The following DNAJC6 variants were observed in gnomAD, a reference collection of about 807,000 sequenced individuals.
The protein encoded by DNAJC6 is DnaJ heat shock protein family (Hsp40) member C6, also known as auxilin.
In DNAJC6, 34 loss-of-function variants were observed where a neutral mutation model predicts 110.0. The ratio of observed to expected loss-of-function variants is 0.31; its 90% CI spans 0.24 to 0.41. The LOEUF (loss-of-function observed/expected upper bound fraction) is 0.41, where lower values mean the gene tolerates loss of function less well. DNAJC6 is among the 10% of genes least tolerant of loss of function. The pLI, the probability that DNAJC6 is intolerant of heterozygous loss-of-function variation, is 1.00. For synonymous variants in DNAJC6, 406 were observed against 437.2 expected (o/e 0.93, Z 0.89); for missense variants, 1,031 against 1,207.8 (o/e 0.85, Z 2.17).
intron 1 of DNAJC6, among the ~76,000 whole-genome samples, chr1:65,326,342 A>G (rs1005862238): frequency 2.6e-5 from 4 of 152,232 alleles, no homozygotes; most frequent in Non-Finnish European, 5.9e-5. Context: ...AGGGTGCTCT[A>G]TGAGGGAGTT....
At chr1:65,399,528 T>C (rs973905683) in intron 14 of DNAJC6, among the ~76,000 whole-genome samples, 3 of 152,172 alleles carry the variant, frequency 2.0e-5, no homozygotes, top group Admixed American at 6.6e-5. Flanking sequence ...CCTTTTTTTA[T>C]TGTAGCAACC....
At chr1:65,377,365 G>T (rs558181703) in intron 4 of DNAJC6, among the ~76,000 whole-genome samples, 1 of 152,184 alleles carries the variant, frequency 6.6e-6, no homozygotes, top group African/African-American at 2.4e-5. Context: ...AGTCATTTCC[G>T]TTCCTTGAAA....
chr1:65,330,294 T>C (rs1645275707), intron 1 of DNAJC6, among the ~76,000 whole-genome samples: 1 of 152,200 alleles, frequency 6.6e-6, no homozygotes, highest in Non-Finnish European at 1.5e-5. Context: ...CTGCAAACAA[T>C]GATGAGATGC....
chr1:65,301,332 CACAA>C (rs1031795362), intron 1 of DNAJC6, among the ~76,000 whole-genome samples: 169 of 152,236 alleles, frequency 1.1e-3, no homozygotes, highest in African/African-American at 3.4e-3. Context: ...CTTCCCCCCC[CACAA>C]ACAAACAATC....
intron 1 of DNAJC6, among the ~76,000 whole-genome samples, chr1:65,346,070 T>G (rs2101501068): frequency 6.6e-6 from 1 of 152,260 alleles, no homozygotes; most frequent in East Asian, 1.9e-4. Context: ...TCTCCTAGGA[T>G]TCACCTTCAG....
chr1:65,307,552 G>T (rs553635269), upstream of DNAJC6, among the ~76,000 whole-genome samples: 3 of 151,844 alleles, frequency 2.0e-5, no homozygotes, highest in Non-Finnish European at 4.4e-5. Context: ...TTTGAGACAG[G>T]GTCTCAGTCT....
intron 1 of DNAJC6, among the ~76,000 whole-genome samples, chr1:65,344,579 G>A (rs1645419739): frequency 6.6e-6 from 1 of 152,098 alleles, no homozygotes; most frequent in African/African-American, 2.4e-5. Context: ...TAGGTCTCAG[G>A]AAATTTAATC....
At position 65,414,123 on chromosome 1, in the gene DNAJC6, C is replaced by T. The variant is rs1646151601; in HGVS notation, c.*1098C>T. The T allele has an allele frequency of 6.6e-6, 1 of 152,248 alleles. No individual in the cohort carries two copies. Among genetic ancestry groups the T allele is most frequent in the South Asian group, 2.1e-4 (1 of 4,828 alleles). 9.4% of individuals were successfully genotyped at this position (152,248 alleles called of 1,614,324 possible). The stretch of plus-strand genomic sequence containing the variant: ...TGCTCTGAGGAACCAGGTCCCACCT[C>T]CCCACAAGGCAAATCTAGACCCATT... On this transcript the variant is annotated 3_prime_UTR_variant, in exon 19 of 19. Coordinates refer to ENST00000371069, the MANE Select transcript of DNAJC6 (RefSeq NM_001256864.2).
At position 65,413,672 on chromosome 1, in the gene DNAJC6, G is replaced by T. The variant is rs1646148296; in HGVS notation, c.*647G>T. The T allele has an allele frequency of 6.6e-6, 1 of 152,114 alleles. No individual in the cohort carries two copies. Among genetic ancestry groups the T allele is most frequent in the Non-Finnish European group, 1.5e-5 (1 of 68,002 alleles). The allele number at this position is 152,114 out of a possible 1,614,324, so 9.4% of individuals were successfully genotyped here. A position where few individuals can be genotyped will look rare whatever the true frequency, so the allele number is the denominator to read the frequency against. ...CCAACTTTCTGACTAAGCTAAAAAT[G>T]AATGAAAATGGTGGCTAAAGAAAAT... On this transcript the variant is annotated 3_prime_UTR_variant, in exon 19 of 19. Transcript: ENST00000371069.
intron 1 of DNAJC6, among the ~76,000 whole-genome samples, chr1:65,267,108 G>A (rs1388323319): frequency 1.3e-5 from 2 of 152,062 alleles, no homozygotes; most frequent in South Asian, 2.1e-4. Context: ...TCTTGGCCAG[G>A]CTGGTCTCGA....
chr1:65,309,896 G>A lies in DNAJC6; in HGVS notation c.151G>A (p.Ala51Thr), dbSNP rs1391601157. 3.9e-6 allele frequency: 6 copies of A among 1,540,772 alleles called. No homozygotes were observed. The highest frequency in any genetic ancestry group is 1.4e-5 in the African/African-American group (1 of 72,120). ...VNAGAAARSP[A>T]RQPPDRASTM... The stretch of plus-strand genomic sequence containing the variant: ...CGCCGGGGCAGCGGCGCGGAGTCCC[G>A]CCCGACAGCCTCCGGACCGCGCCAG... Residue 51 changes from alanine (A) to threonine (T), a missense_variant, in exon 1 of 19, where the codon GCC becomes ACC. Ala to Thr is a moderately conservative substitution (Grantham distance 58). Transcript: ENST00000371069.
chr1:65,381,740 CTG>C (rs1481137525), intron 5 of DNAJC6, among the ~76,000 whole-genome samples: 4 of 151,954 alleles, frequency 2.6e-5, no homozygotes, highest in African/African-American at 9.7e-5. Flanking sequence ...TTTTTTAAAA[CTG>C]TGTTTGGAAT....
Position 65,414,525 on chromosome 1 carries a change from C to G in DNAJC6, c.*1500C>G, listed in dbSNP as rs539510988. On this transcript the variant is annotated 3_prime_UTR_variant, in exon 19 of 19. Transcript: ENST00000371069. ...TGTTTTTGTTTTAACTTTCTTGTGGCAAGCTATACCGGAAAAGCGGCATGT... is the reference window on the plus strand; with the variant it reads ...TGTTTTTGTTTTAACTTTCTTGTGGGAAGCTATACCGGAAAAGCGGCATGT... 1 of 152,704 alleles carries G rather than the reference C, an allele frequency of 6.5e-6. No homozygotes were observed. The highest frequency in any genetic ancestry group is 2.1e-4 in the South Asian group (1 of 4,820). 9.5% of individuals were successfully genotyped at this position (152,704 alleles called of 1,614,324 possible).
intron 1 of DNAJC6, among the ~76,000 whole-genome samples, chr1:65,299,919 G>C (rs1247537539): frequency 6.6e-6 from 1 of 151,794 alleles, no homozygotes; most frequent in African/African-American, 2.4e-5. Context: ...GGGCATGGTG[G>C]TGTGTGCTTG....
intron 1 of DNAJC6, among the ~76,000 whole-genome samples, chr1:65,292,028 C>T (rs1433535739): frequency 6.6e-6 from 1 of 151,578 alleles, no homozygotes; most frequent in Non-Finnish European, 1.5e-5. Context: ...TTACTTTTTA[C>T]TTTTTGAGAT....
At chr1:65,332,307 A>G (rs1645296198) in intron 1 of DNAJC6, among the ~76,000 whole-genome samples, 1 of 152,160 alleles carries the variant, frequency 6.6e-6, no homozygotes, top group Non-Finnish European at 1.5e-5. Flanking sequence ...TTTAAGAATA[A>G]CAAACGTTTG....
In DNAJC6 at chr1:65,264,877, C is replaced by A. The variant is rs368277110; in HGVS notation, c.-186C>A. On this transcript the variant is annotated 5_prime_UTR_variant, in exon 1 of 20. Coordinates refer to the DNAJC6 transcript ENST00000263441. ...AGGGTTGCAGAATCAGCCGGACTTT[C>A]CTGCTCATTTGCAGCAGAGGGAGGA... The A allele has an allele frequency of 1.9e-5, 30 of 1,611,832 alleles. No homozygotes were observed. In the African/African-American group the frequency reaches 3.2e-4, roughly 17 times the overall value.
chr1:65,309,450 G>C (rs774601067), upstream of DNAJC6: 20 of 851,384 alleles, frequency 2.3e-5, no homozygotes, highest in Middle Eastern at 4.9e-4. Flanking sequence ...CCCGGAGCTC[G>C]GCAGGGCCGG....
In DNAJC6 at chr1:65,413,570, A is replaced by G. The variant is rs924273524; in HGVS notation, c.*545A>G. 2.0e-5 allele frequency: 3 copies of G among 152,280 alleles called. No individual in the cohort carries two copies. The highest frequency in any genetic ancestry group is 2.0e-4 in the Admixed American group (3 of 15,278). 9.4% of individuals were successfully genotyped at this position (152,280 alleles called of 1,614,324 possible). A position where few individuals can be genotyped will look rare whatever the true frequency, so the allele number is the denominator to read the frequency against. On this transcript the variant is annotated 3_prime_UTR_variant, in exon 19 of 19. Coordinates refer to ENST00000371069, the MANE Select transcript of DNAJC6 (RefSeq NM_001256864.2). ...CTGTAAATGTCTTTTGGTCAAGAGA[A>G]CTAACAAATATAAAGGAACTTGAAA...
Sources: gnomAD v4.1 joint callset for allele counts (sites outside exome capture counted in the v4.1 genomes callset) on GRCh38, gnomAD v4.1.1 for gene constraint, MANE v1.5 for transcripts, NCBI Gene and HGNC (gene_info 2026-07-23, HGNC 2026-07-21) for gene names.